The following MCPH1 variants were observed in gnomAD, a reference collection of about 807,000 sequenced individuals.
MCPH1 encodes the protein microcephalin.
Under a neutral mutation model 84.5 loss-of-function variants are expected in MCPH1, and 104 were observed. The observed-to-expected ratio is 1.23, with a 90% CI of 1.05 to 1.45. MCPH1 has a LOEUF of 1.45. Ranked by LOEUF, MCPH1 falls within the 40% of genes most tolerant of loss-of-function variation. The pLI is 0.00. For missense variants in MCPH1, 1,498 were observed against 1,005.7 expected (o/e 1.49, Z -6.62); for synonymous variants, 514 against 366.8 (o/e 1.40, Z -4.58).
At chr8:6,598,652 A>G (rs1829114713) in intron 12 of MCPH1, among the ~76,000 whole-genome samples, 1 of 152,246 alleles carries the variant, frequency 6.6e-6, no homozygotes, top group South Asian at 2.1e-4. Context: ...TTGCTGAAGC[A>G]AAACCTCTCG....
chr8:6,431,163 A>G (rs1801779467), intron 3 of MCPH1, among the ~76,000 whole-genome samples: 2 of 152,204 alleles, frequency 1.3e-5, no homozygotes, highest in South Asian at 4.1e-4. Context: ...CCTGTTTACT[A>G]TTAAATGATC....
chr8:6,446,544 T>C (rs890027705), intron 8 of MCPH1: 11 of 983,106 alleles, frequency 1.1e-5, no homozygotes, highest in South Asian at 4.7e-5. Flanking sequence ...TCTGAACATA[T>C]ATTAAATTTG....
intron 11 of MCPH1, among the ~76,000 whole-genome samples, chr8:6,481,623 A>G (rs759741166): frequency 6.6e-6 from 1 of 152,222 alleles, no homozygotes; most frequent in Admixed American, 6.5e-5. Flanking sequence ...TTAAACCAGT[A>G]GAATTATAAC....
chr8:6,556,962 C>A (rs539445166), intron 12 of MCPH1, among the ~76,000 whole-genome samples: 1 of 152,166 alleles, frequency 6.6e-6, no homozygotes, highest in South Asian at 2.1e-4. Flanking sequence ...TGAAGGCACT[C>A]GATAAATATT....
intron 13 of MCPH1, among the ~76,000 whole-genome samples, chr8:6,628,994 A>C (rs1381043043): frequency 1.3e-5 from 2 of 152,198 alleles, no homozygotes; most frequent in East Asian, 1.9e-4. Context: ...AAGTGACCTA[A>C]AGTGACAGAG....
At chr8:6,619,868 G>T (rs576384611) in intron 12 of MCPH1, among the ~76,000 whole-genome samples, 3 of 152,232 alleles carry the variant, frequency 2.0e-5, no homozygotes, top group African/African-American at 7.2e-5. Flanking sequence ...ACAGGTGTGA[G>T]CCACCGTGCC....
chr8:6,509,201 A>G, intron 12 of MCPH1: 1 of 1,130,224 alleles, frequency 8.8e-7, no homozygotes, highest in Non-Finnish European at 1.2e-6. Context: ...CTCTGGACAA[A>G]ATATTTTGCA....
At chr8:6,541,052 G>A (rs965710266) in intron 12 of MCPH1, among the ~76,000 whole-genome samples, 1 of 152,230 alleles carries the variant, frequency 6.6e-6, no homozygotes, top group Non-Finnish European at 1.5e-5. Flanking sequence ...TCTCATGGGT[G>A]TCCCGAGGCA....
chr8:6,456,211 C>T (rs1332709167), intron 9 of MCPH1, among the ~76,000 whole-genome samples: 3 of 152,098 alleles, frequency 2.0e-5, no homozygotes, highest in Non-Finnish European at 4.4e-5. Flanking sequence ...GGTAAAGCAA[C>T]AGATGTGGAG....
chr8:6,416,534 G>C (rs1240011843), intron 3 of MCPH1, among the ~76,000 whole-genome samples: 1 of 152,160 alleles, frequency 6.6e-6, no homozygotes, highest in East Asian at 1.9e-4. Context: ...AAGGAAGTTA[G>C]ATATGGTTGT....
chr8:6,532,625 T>C lies in MCPH1; in HGVS notation c.2214+32696T>C. On this transcript the variant is annotated intron_variant, in intron 12 of 13. Coordinates refer to ENST00000344683, the MANE Select transcript of MCPH1 (RefSeq NM_024596.5). The stretch of plus-strand genomic sequence containing the variant: ...AAAGACTTGTACCTTGCCTTCCTTT[T>C]GGAATCTTACTATTTTTTTTTATCA... 7.3e-6 allele frequency: 5 copies of C among 684,232 alleles called. No homozygotes were observed. The South Asian group carries it at 1.9e-4, about 26-fold the overall frequency. The allele number at this position is 684,232 out of a possible 1,614,324, so 42.4% of individuals were successfully genotyped here.
intron 6 of MCPH1, among the ~76,000 whole-genome samples, chr8:6,441,668 A>G (rs2129555272): frequency 6.6e-6 from 1 of 152,306 alleles, no homozygotes; most frequent in East Asian, 1.9e-4. Flanking sequence ...GCTCAGCAGC[A>G]TCCCTGCCTC....
intron 12 of MCPH1, chr8:6,508,788 A>T (rs902834070): frequency 8.4e-7 from 1 of 1,187,620 alleles, no homozygotes; most frequent in Non-Finnish European, 1.2e-6. Flanking sequence ...TGAAAAACAC[A>T]TTTACCTATA....
At chr8:6,606,873 C>G (rs914305762) in intron 12 of MCPH1, among the ~76,000 whole-genome samples, 2 of 152,220 alleles carry the variant, frequency 1.3e-5, no homozygotes, top group Admixed American at 6.5e-5. Context: ...CACAAGCTCT[C>G]TTCTCTTGTT....
chr8:6,445,619 A>G (rs182472674), intron 8 of MCPH1, 72 bp downstream of exon 8: 2 of 1,510,058 alleles, frequency 1.3e-6, no homozygotes, highest in African/African-American at 1.4e-5. Context: ...TTTTAAATTT[A>G]TCACAACTTT....
intron 3 of MCPH1, among the ~76,000 whole-genome samples, chr8:6,426,676 G>C (rs1230431099): frequency 6.6e-6 from 1 of 152,136 alleles, no homozygotes; most frequent in Non-Finnish European, 1.5e-5. Flanking sequence ...CATTTCTCTT[G>C]GGTCATTACC....
intron 3 of MCPH1, among the ~76,000 whole-genome samples, chr8:6,419,140 C>CACACACAG (rs1554479092): frequency 6.2e-4 from 73 of 117,090 alleles, no homozygotes; most frequent in African/African-American, 2.4e-3. Context: ...CACACACACA[C>CACACACAG]ACACACACAC....
intron 3 of MCPH1, among the ~76,000 whole-genome samples, chr8:6,419,940 A>T (rs1320259225): frequency 6.6e-6 from 1 of 151,800 alleles, no homozygotes; most frequent in Admixed American, 6.6e-5. Context: ...TTTAAAATGG[A>T]TGTAGTCTAT....
At position 6,406,637 on chromosome 8, in the gene MCPH1, T is replaced by C; in HGVS notation, c.-31T>C. Reference sequence around the variant, plus strand: ...CGCCGCCAGGCTCGCAAGCACCGCGTAGGCCAGCTGGCCGGATCCCGCCGT... The same window carrying C: ...CGCCGCCAGGCTCGCAAGCACCGCGCAGGCCAGCTGGCCGGATCCCGCCGT... On this transcript the variant is annotated 5_prime_UTR_variant, in exon 1 of 14. Transcript: ENST00000344683. 6.2e-7 allele frequency: 1 copy of C among 1,610,536 alleles called. No homozygotes were observed. Among genetic ancestry groups the C allele is most frequent in the Non-Finnish European group, 8.5e-7 (1 of 1,179,078 alleles).
Sources: gnomAD v4.1 joint callset for allele counts (sites outside exome capture counted in the v4.1 genomes callset) on GRCh38, gnomAD v4.1.1 for gene constraint, MANE v1.5 for transcripts, NCBI Gene and HGNC (gene_info 2026-07-23, HGNC 2026-07-21) for gene names.